Variants in TMEM163 observed in about 807,000 individuals in gnomAD.
TMEM163 encodes transmembrane protein 163.
In TMEM163, 17 loss-of-function variants were observed where a neutral mutation model predicts 29.3. The observed-to-expected ratio is 0.58, with a 90% CI of 0.40 to 0.87. TMEM163 has a LOEUF of 0.87. Ranked by LOEUF, TMEM163 falls within the 40% of genes least tolerant of loss-of-function variation. The pLI is 0.00. For missense variants in TMEM163, 303 were observed against 381.5 expected (o/e 0.79, Z 1.71); for synonymous variants, 157 against 160.6 (o/e 0.98, Z 0.17).
intron 2 of TMEM163, among the ~76,000 whole-genome samples, chr2:134,668,814 GTATATA>G (rs982967810): frequency 6.6e-6 from 1 of 151,974 alleles, no homozygotes; most frequent in East Asian, 1.9e-4. Flanking sequence ...AAGCATACAT[GTATATA>G]TATATTTGCA....
At chr2:134,646,392 C>CT (rs1683339027) in intron 2 of TMEM163, among the ~76,000 whole-genome samples, 1 of 150,694 alleles carries the variant, frequency 6.6e-6, no homozygotes, top group South Asian at 2.1e-4. Flanking sequence ...GCCTAGATGG[C>CT]TTTTTTAGTT....
At chr2:134,652,085 G>A (rs1475491563) in intron 2 of TMEM163, among the ~76,000 whole-genome samples, 1 of 141,122 alleles carries the variant, frequency 7.1e-6, no homozygotes, top group Non-Finnish European at 1.5e-5. Flanking sequence ...TGTGAGGAAA[G>A]TCATTGGTAG....
At chr2:134,533,124 A>C (rs1437139962) in intron 4 of TMEM163, among the ~76,000 whole-genome samples, 1 of 152,230 alleles carries the variant, frequency 6.6e-6, no homozygotes, top group African/African-American at 2.4e-5. Flanking sequence ...CCAGCCATAA[A>C]TGTCATCACA....
At chr2:134,504,424 A>T (rs1679773836) in intron 4 of TMEM163, among the ~76,000 whole-genome samples, 1 of 152,044 alleles carries the variant, frequency 6.6e-6, no homozygotes, top group African/African-American at 2.4e-5. Context: ...TGGAAGGAAC[A>T]TCACCCCCCA....
intron 2 of TMEM163, among the ~76,000 whole-genome samples, chr2:134,595,108 A>ATTATTTTATTTTAT (rs1682040910): frequency 6.6e-6 from 1 of 151,424 alleles, no homozygotes; most frequent in Non-Finnish European, 1.5e-5. Context: ...TTTATTTTTT[A>ATTATTTTATTTTAT]TTTATATATA....
chr2:134,505,273 G>T (rs1222900079), intron 4 of TMEM163, among the ~76,000 whole-genome samples: 2 of 135,004 alleles, frequency 1.5e-5, no homozygotes, highest in Non-Finnish European at 3.1e-5. Flanking sequence ...AAGTTTCCTG[G>T]ACACCACTCC....
At chr2:134,592,252 T>C (rs111865745) in intron 2 of TMEM163, among the ~76,000 whole-genome samples, 2 of 152,174 alleles carry the variant, frequency 1.3e-5, no homozygotes, top group African/African-American at 4.8e-5. Context: ...AGAGAATAGA[T>C]AGTAAAAGTC....
intron 4 of TMEM163, among the ~76,000 whole-genome samples, chr2:134,550,123 GA>G (rs781542754): frequency 2.0e-5 from 3 of 152,192 alleles, no homozygotes; most frequent in African/African-American, 2.4e-5. Context: ...CATGGGATAT[GA>G]AGACCGGGGC....
chr2:134,468,320 A>G (rs1686714018), intron 5 of TMEM163: 1 of 152,340 alleles, frequency 6.6e-6, no homozygotes, highest in Non-Finnish European at 1.5e-5. Context: ...CACAGGAAGA[A>G]GCCACCATCT....
At chr2:134,546,383 C>T (rs1356176564) in intron 4 of TMEM163, among the ~76,000 whole-genome samples, 2 of 152,182 alleles carry the variant, frequency 1.3e-5, no homozygotes, top group Non-Finnish European at 1.5e-5. Flanking sequence ...TGCCTCACAC[C>T]TGTAATACCA....
chr2:134,635,229 G>A (rs928754313), intron 2 of TMEM163, among the ~76,000 whole-genome samples: 31 of 152,286 alleles, frequency 2.0e-4, no homozygotes, highest in African/African-American at 7.2e-4. Flanking sequence ...TGTGTTGACT[G>A]GAGAACAGGA....
Position 134,563,243 on chromosome 2 carries a change from A to C in TMEM163, c.323-11152T>G, listed in dbSNP as rs186290756. 1.4e-3 allele frequency among the ~76,000 whole-genome samples: 219 copies of C among 152,346 alleles called. 2 individuals carry two copies. The highest frequency in any genetic ancestry group is 5.2e-3 in the African/African-American group (215 of 41,578). On this transcript the variant is annotated intron_variant, in intron 2 of 7. Transcript: ENST00000281924. ...AGTCTTCTCTTATATTCAAGGCAGG[A>C]AGATGTTCCCCAAGGTAGATCACTG... is the stretch of plus-strand genomic sequence containing the variant.
intron 1 of TMEM163, among the ~76,000 whole-genome samples, chr2:134,718,216 TC>T (rs1480955352): frequency 6.6e-6 from 1 of 152,026 alleles, no homozygotes; most frequent in Non-Finnish European, 1.5e-5. Flanking sequence ...CCCGGCTCGC[TC>T]CCCTCCTTGC....
At chr2:134,514,687 C>T (rs1680019728) in intron 4 of TMEM163, among the ~76,000 whole-genome samples, 1 of 152,198 alleles carries the variant, frequency 6.6e-6, no homozygotes, top group African/African-American at 2.4e-5. Context: ...ACATCAATTG[C>T]TCTCAACCTC....
intron 4 of TMEM163, among the ~76,000 whole-genome samples, chr2:134,508,811 T>A (rs199934979): frequency 6.6e-6 from 1 of 151,348 alleles, no homozygotes; most frequent in East Asian, 2.0e-4. Flanking sequence ...CTCTCCTCTA[T>A]CTTCATCTAC....
At chr2:134,482,654 C>G (rs958266183) in intron 5 of TMEM163, among the ~76,000 whole-genome samples, 1 of 152,196 alleles carries the variant, frequency 6.6e-6, no homozygotes, top group Non-Finnish European at 1.5e-5. Context: ...TTCCCCACCC[C>G]CAACCAGCAG....
At chr2:134,676,769 T>C (rs1684124282) in intron 2 of TMEM163, among the ~76,000 whole-genome samples, 1 of 152,190 alleles carries the variant, frequency 6.6e-6, no homozygotes. Flanking sequence ...AATCAAGACT[T>C]CACATAAATG....
At chr2:134,706,252 C>T (rs918893265) in intron 2 of TMEM163, among the ~76,000 whole-genome samples, 8 of 152,164 alleles carry the variant, frequency 5.3e-5, no homozygotes, top group East Asian at 1.9e-4. Flanking sequence ...TGCATCCCCA[C>T]CATTTACAAA....
At position 134,655,552 on chromosome 2, in the gene TMEM163, A is replaced by G. The variant is rs1270814176; in HGVS notation, c.322+57648T>C. ...TGAAGCCTTCTTCTCTCAGCTTGTC[A>G]AAGTCATTCTCCATCCAGCTTTGTT... On this transcript the variant is annotated intron_variant, in intron 2 of 7. Coordinates refer to ENST00000281924, the MANE Select transcript of TMEM163 (RefSeq NM_030923.5). Among the ~76,000 whole-genome samples, 6 of 141,070 alleles carry G rather than the reference A, an allele frequency of 4.3e-5. No individual in the cohort carries two copies. The East Asian group carries it at 9.8e-4, about 23-fold the overall frequency. The allele number at this position is 141,070 out of a possible 152,430, so 92.5% of individuals were successfully genotyped here.
Sources: allele counts gnomAD v4.1 joint callset (sites outside exome capture counted in the v4.1 genomes callset), GRCh38; gene constraint gnomAD v4.1.1; transcripts MANE v1.5; gene names NCBI Gene and HGNC (gene_info 2026-07-23, HGNC 2026-07-21).